ELAPOR2: variants seen among roughly 807,000 people sequenced by gnomAD.
ELAPOR2 encodes the protein endosome/lysosome-associated apoptosis and autophagy regulator family member 2.
Under a neutral mutation model 120.7 loss-of-function variants are expected in ELAPOR2, and 89 were observed. The ratio of observed to expected loss-of-function variants is 0.74; its 90% CI spans 0.62 to 0.88. The LOEUF is 0.88. Among genes scored for constraint, ELAPOR2 ranks in the 40% least tolerant of loss-of-function variants. The probability of loss-of-function intolerance (pLI) is 0.00; values close to 1 mark genes in which losing one functional copy is unlikely to be tolerated. For synonymous variants in ELAPOR2, 444 were observed against 444.9 expected, an observed-to-expected ratio of 1.00 and a Z score of 0.03; for missense variants, 1,134 against 1,251.6, an observed-to-expected ratio of 0.91 and a Z score of 1.42.
rs1788265754 is a variant in ELAPOR2 at position 86,893,217 on chromosome 7, T to C, written c.2686-117A>G. On this transcript the variant is annotated intron_variant, in intron 19 of 21. Coordinates refer to ENST00000450689, the MANE Select transcript of ELAPOR2 (RefSeq NM_001142749.3). ...TACATAAAAGAAGAAAGGGTTTTGC[T>C]AACCCTTTACTTACAGTAGGCATAG... is the stretch of plus-strand genomic sequence containing the variant. The C allele has an allele frequency of 7.7e-6, 6 of 775,576 alleles. No individual in the cohort carries two copies. The South Asian group carries it at 1.2e-4, about 16-fold the overall frequency. The allele number at this position is 775,576 out of a possible 1,614,324, so 48.0% of individuals were successfully genotyped here.
intron 21 of ELAPOR2, among the ~76,000 whole-genome samples, chr7:86,889,470 GT>G (rs1025539949): frequency 8.3e-5 from 12 of 145,134 alleles, no homozygotes; most frequent in Admixed American, 3.5e-4. Context: ...TACTGGTTTT[GT>G]TTTTTTTTTC....
In ELAPOR2 at chr7:87,055,710, C is replaced by G. The variant is rs149440858; in HGVS notation, c.189+3615G>C. On this transcript the variant is annotated intron_variant, in intron 1 of 21. Transcript: ENST00000450689. ...AGATATGATGGCCCATTGCTTCTTT[C>G]ATGGCTTCAAATCACTTAACTGCAA... Among the ~76,000 whole-genome samples the G allele has an allele frequency of 1.4e-3, 218 of 152,248 alleles. 1 individual carries two copies. Among genetic ancestry groups the G allele is most frequent in the African/African-American group, 5.1e-3 (210 of 41,542 alleles).
chr7:86,920,127 T>C (rs1789759568), intron 10 of ELAPOR2, among the ~76,000 whole-genome samples: 1 of 152,184 alleles, frequency 6.6e-6, no homozygotes, highest in South Asian at 2.1e-4. Context: ...CCTGGTTCAG[T>C]GCTAGACTGA....
chr7:86,995,578 G>A (rs959384590), intron 1 of ELAPOR2, among the ~76,000 whole-genome samples: 10 of 152,142 alleles, frequency 6.6e-5, no homozygotes, highest in African/African-American at 2.2e-4. Context: ...CAATAACAAC[G>A]TAAGACCTGG....
intron 3 of ELAPOR2, 148 bp downstream of exon 3, chr7:86,947,579 T>C (rs1236798935): frequency 1.5e-6 from 1 of 683,686 alleles, no homozygotes. Flanking sequence ...CTCATTGCAA[T>C]GACCGTCCAA....
chr7:87,047,772 A>G (rs796086298), intron 1 of ELAPOR2, among the ~76,000 whole-genome samples: 13 of 152,348 alleles, frequency 8.5e-5, no homozygotes, highest in African/African-American at 2.9e-4. Flanking sequence ...ATGTTTCCTC[A>G]CAAAACTAAA....
chr7:86,905,130 A>G (rs867893467), intron 18 of ELAPOR2, among the ~76,000 whole-genome samples: 1,104 of 92,738 alleles, frequency 0.012, 4 homozygotes, highest in Non-Finnish European at 0.013. Flanking sequence ...AAGGAAGGAA[A>G]GAAAGAAAAG....
At chr7:87,047,543 G>A (rs557319264) in intron 1 of ELAPOR2, among the ~76,000 whole-genome samples, 1 of 152,292 alleles carries the variant, frequency 6.6e-6, no homozygotes, top group Admixed American at 6.5e-5. Context: ...TTTCTCAAAA[G>A]AAGACATGCA....
intron 1 of ELAPOR2, among the ~76,000 whole-genome samples, chr7:87,040,088 G>A (rs577638776): frequency 2.0e-5 from 3 of 152,388 alleles, no homozygotes; most frequent in South Asian, 2.1e-4. Flanking sequence ...CGCACCACAA[G>A]ATTATATCCC....
chr7:86,916,101 G>A (rs1789557405), intron 12 of ELAPOR2, among the ~76,000 whole-genome samples: 1 of 152,124 alleles, frequency 6.6e-6, no homozygotes, highest in East Asian at 1.9e-4. Context: ...GAAAGAAAAT[G>A]GCAGACTTTG....
intron 1 of ELAPOR2, among the ~76,000 whole-genome samples, chr7:87,050,275 T>C (rs1459565033): frequency 1.3e-5 from 2 of 152,180 alleles, no homozygotes; most frequent in East Asian, 3.8e-4. Flanking sequence ...TGAATTTTAA[T>C]CCCCAATGCT....
Position 86,925,631 on chromosome 7 carries a change from C to T in ELAPOR2, c.1296G>A (p.Thr432=), listed in dbSNP as rs750315821. The change falls in exon 10 of 22, where the codon ACG becomes ACA. Residue 432 remains threonine, a synonymous_variant. Coordinates refer to ENST00000450689, the MANE Select transcript of ELAPOR2 (RefSeq NM_001142749.3). ...TATATTCAAAGCCAAGTGCAGGCTC[C>T]GTTCCTGCTGGACATGGTCTACATT... ...TKECRPCPAG[T]EPALGFEYKW... 26 of 1,611,596 alleles carry T rather than the reference C, an allele frequency of 1.6e-5. No homozygotes were observed. Among genetic ancestry groups the T allele is most frequent in the South Asian group, 6.6e-5 (6 of 91,032 alleles).
At chr7:87,049,349 T>C (rs1200710128) in intron 1 of ELAPOR2, among the ~76,000 whole-genome samples, 1 of 152,114 alleles carries the variant, frequency 6.6e-6, no homozygotes. Flanking sequence ...TGTCCTGATC[T>C]CGGCTCACTG....
chr7:86,936,006 C>T (rs754633452), intron 8 of ELAPOR2, among the ~76,000 whole-genome samples: 2 of 152,018 alleles, frequency 1.3e-5, no homozygotes, highest in East Asian at 1.9e-4. Flanking sequence ...TATGTCATGT[C>T]GATGGTAATG....
rs558665738 is a variant in ELAPOR2 at position 86,880,734 on chromosome 7, A to G, written c.3031-204T>C. ...GAAGGGCACTTTTGATGTCCAAGAGATAAGACAGACAAATTCAAAATAGAA... is the reference window on the plus strand; with the variant it reads ...GAAGGGCACTTTTGATGTCCAAGAGGTAAGACAGACAAATTCAAAATAGAA... On this transcript the variant is annotated intron_variant, in intron 21 of 21. Coordinates refer to ENST00000450689, the MANE Select transcript of ELAPOR2 (RefSeq NM_001142749.3). Among the ~76,000 whole-genome samples, 3 of 151,292 alleles carry G rather than the reference A, an allele frequency of 2.0e-5. No homozygotes were observed. In the South Asian group the frequency reaches 6.4e-4, roughly 32 times the overall value.
chr7:86,947,220 T>G (rs901086627), intron 3 of ELAPOR2, among the ~76,000 whole-genome samples: 8 of 152,350 alleles, frequency 5.3e-5, no homozygotes, highest in African/African-American at 1.7e-4. Flanking sequence ...TTTTGTTTTT[T>G]TCAAAACAGT....
Position 86,877,708 on chromosome 7 carries a change from T to C in ELAPOR2, c.*2763A>G, listed in dbSNP as rs1360258447. On this transcript the variant is annotated 3_prime_UTR_variant, in exon 22 of 22. Transcript: ENST00000450689. ...GTCAATCATGACCCACCTGGGGACC[T>C]GGAGACCCCAGATGCTAAAGACTGG... The C allele has an allele frequency of 6.6e-6, 1 of 152,160 alleles. No homozygotes were observed. Among genetic ancestry groups the C allele is most frequent in the Non-Finnish European group, 1.5e-5 (1 of 68,022 alleles). The allele number at this position is 152,160 out of a possible 1,614,324, so 9.4% of individuals were successfully genotyped here. A position where few individuals can be genotyped will look rare whatever the true frequency, so the allele number is the denominator to read the frequency against.
intron 1 of ELAPOR2, among the ~76,000 whole-genome samples, chr7:87,046,742 C>T (rs537288081): frequency 1.3e-5 from 2 of 152,256 alleles, no homozygotes; most frequent in South Asian, 2.1e-4. Context: ...ATGTGCTTCC[C>T]CTTCACCTTC....
At chr7:86,975,010 G>T (rs1041818003) in intron 1 of ELAPOR2, among the ~76,000 whole-genome samples, 1 of 152,266 alleles carries the variant, frequency 6.6e-6, no homozygotes, top group Admixed American at 6.5e-5. Context: ...AAGTACTTTC[G>T]AAATGAGCAG....
Sources: allele counts gnomAD v4.1 joint callset (sites outside exome capture counted in the v4.1 genomes callset), GRCh38; gene constraint gnomAD v4.1.1; transcripts MANE v1.5; gene names NCBI Gene and HGNC (gene_info 2026-07-23, HGNC 2026-07-21).